The following LPCAT1 variants were observed in gnomAD, a reference collection of about 807,000 sequenced individuals.
The protein encoded by LPCAT1 is lysophosphatidylcholine acyltransferase 1, also known as 1-acylglycerol-3-phosphate O-acyltransferase.
In LPCAT1, 23 loss-of-function variants were observed where a neutral mutation model predicts 60.9. The observed-to-expected ratio is 0.38, with a 90% CI of 0.27 to 0.53. LPCAT1 has a LOEUF of 0.53. LPCAT1 is among the 20% of genes least tolerant of loss of function. The pLI, the probability that LPCAT1 is intolerant of heterozygous loss-of-function variation, is 0.82. For missense variants in LPCAT1, 622 were observed against 723.6 expected, an observed-to-expected ratio of 0.86 and a Z score of 1.61; for synonymous variants, 340 against 301.1, an observed-to-expected ratio of 1.13 and a Z score of -1.34.
intron 1 of LPCAT1, among the ~76,000 whole-genome samples, chr5:1,511,997 G>A (rs150065578): frequency 4.6e-5 from 7 of 152,328 alleles, no homozygotes; most frequent in Non-Finnish European, 1.0e-4. Flanking sequence ...CTCAGCGGGT[G>A]TCTGGAGGGT....
intron 1 of LPCAT1, among the ~76,000 whole-genome samples, chr5:1,513,956 C>G (rs138841617): frequency 1.0e-3 from 158 of 152,146 alleles, no homozygotes; most frequent in African/African-American, 3.7e-3. Context: ...TCCACAGGCT[C>G]TCACCCGTGG....
chr5:1,506,039 G>C (rs1056027369), intron 1 of LPCAT1, among the ~76,000 whole-genome samples: 4 of 152,268 alleles, frequency 2.6e-5, no homozygotes, highest in African/African-American at 9.6e-5. Flanking sequence ...CAGCAGCAAG[G>C]AGAGGGGCCT....
intron 13 of LPCAT1, among the ~76,000 whole-genome samples, chr5:1,465,867 T>C (rs572987756): frequency 6.9e-4 from 85 of 123,018 alleles, no homozygotes; most frequent in African/African-American, 1.9e-3. Context: ...CTTTCAGTAC[T>C]GAAACAAACG....
intron 13 of LPCAT1, among the ~76,000 whole-genome samples, chr5:1,464,095 GCTT>G (rs767747636): frequency 1.3e-5 from 2 of 152,244 alleles, no homozygotes; most frequent in Non-Finnish European, 2.9e-5. Context: ...CCTACAGAAA[GCTT>G]CTGGTTTTGA....
At chr5:1,489,617 G>A (rs1735498373) in intron 4 of LPCAT1, 129 bp downstream of exon 4, 6 of 774,410 alleles carry the variant, frequency 7.7e-6, no homozygotes, top group South Asian at 2.7e-5. Flanking sequence ...CTGAGTTCAC[G>A]CACTCACTAG....
rs1392842866 is a variant in LPCAT1 at position 1,477,654 on chromosome 5, A to G, written c.817-168T>C. 1.3e-5 allele frequency among the ~76,000 whole-genome samples: 2 copies of G among 152,150 alleles called. No individual in the cohort carries two copies. The highest frequency in any genetic ancestry group is 3.9e-4 in the East Asian group (2 of 5,182). Reference sequence around the variant, plus strand: ...TGTGTGTACGCACACACACACCCCCATGATGCATGAACTGCACACGTGTGC... The same window carrying G: ...TGTGTGTACGCACACACACACCCCCGTGATGCATGAACTGCACACGTGTGC... On this transcript the variant is annotated intron_variant, in intron 8 of 13. Coordinates refer to ENST00000283415, the MANE Select transcript of LPCAT1 (RefSeq NM_024830.5). This position sits in a 1 kb window ranked among gnomAD's most constrained non-coding sequence, Gnocchi z 6.0.
chr5:1,517,598 G>A (rs958641332), intron 1 of LPCAT1, among the ~76,000 whole-genome samples: 1 of 152,152 alleles, frequency 6.6e-6, no homozygotes, highest in Non-Finnish European at 1.5e-5. Context: ...CCCGGCTCCT[G>A]AAGCAGGGCT....
intron 1 of LPCAT1, among the ~76,000 whole-genome samples, chr5:1,516,388 A>G (rs745326475): frequency 1.3e-5 from 2 of 152,182 alleles, no homozygotes; most frequent in African/African-American, 2.4e-5. Flanking sequence ...TCACTGCTGC[A>G]GAAAGGTGGA....
intron 7 of LPCAT1, among the ~76,000 whole-genome samples, 155 bp from the exon 8 acceptor site, chr5:1,479,830 C>T (rs962057060): frequency 6.6e-6 from 1 of 152,122 alleles, no homozygotes; most frequent in Non-Finnish European, 1.5e-5. Context: ...CCCACCCAGC[C>T]CGAGCCCCAG....
chr5:1,518,869 T>C (rs1736588011), intron 1 of LPCAT1, among the ~76,000 whole-genome samples: 1 of 152,190 alleles, frequency 6.6e-6, no homozygotes, highest in South Asian at 2.1e-4. Flanking sequence ...CCACAGGCAG[T>C]GAAGGAGGCG....
At chr5:1,470,959 C>G in intron 11 of LPCAT1, 35 bp from the exon 12 acceptor site, 1 of 1,589,202 alleles carries the variant, frequency 6.3e-7, no homozygotes, top group Admixed American at 1.7e-5. Flanking sequence ...ACAGCTCGGC[C>G]GCCTTCGGCA....
rs1353823129 is a variant in LPCAT1 at position 1,523,489 on chromosome 5, C to T, written c.135+221G>A. 6.6e-6 allele frequency among the ~76,000 whole-genome samples: 1 copy of T among 151,446 alleles called. No homozygotes were observed. Among genetic ancestry groups the T allele is most frequent in the Admixed American group, 6.6e-5 (1 of 15,218 alleles). ...AGGAAGGCGCTGAGGGACCAGGATGCGCGTGCGGGCGGCGGGAAGCCGGCG... is the reference window on the plus strand; with the variant it reads ...AGGAAGGCGCTGAGGGACCAGGATGTGCGTGCGGGCGGCGGGAAGCCGGCG... On this transcript the variant is annotated intron_variant, in intron 1 of 13. Transcript: ENST00000283415. The surrounding 1 kb of genome is among the most constrained non-coding windows in gnomAD (Gnocchi z 7.1).
chr5:1,510,298 T>C (rs1460584213), intron 1 of LPCAT1, among the ~76,000 whole-genome samples: 6 of 152,198 alleles, frequency 3.9e-5, no homozygotes, highest in Non-Finnish European at 7.3e-5. Context: ...AAATTAAATA[T>C]AGCTTTTCTA....
Position 1,502,508 on chromosome 5 carries a change from A to T in LPCAT1, c.136-905T>A, listed in dbSNP as rs1361385205. Among the ~76,000 whole-genome samples the T allele has an allele frequency of 6.6e-6, 1 of 152,124 alleles. No individual in the cohort carries two copies. The highest frequency in any genetic ancestry group is 1.5e-5 in the Non-Finnish European group (1 of 68,016). ...TGGCGGGAGGGCAGGGGCGCAGGTC[A>T]ATATGGGGGCTCAGGAAGGCCCCCC... On this transcript the variant is annotated intron_variant, in intron 1 of 13. Transcript: ENST00000283415. This position sits in a 1 kb window ranked among gnomAD's most constrained non-coding sequence, Gnocchi z 5.5.
intron 1 of LPCAT1, among the ~76,000 whole-genome samples, chr5:1,509,100 G>C (rs1560990870): frequency 6.6e-6 from 1 of 152,272 alleles, no homozygotes; most frequent in South Asian, 2.1e-4. Context: ...GCCAGTGAAG[G>C]GGCTCCAATG....
Position 1,496,044 on chromosome 5 carries a change from C to T in LPCAT1, c.279-1130G>A, listed in dbSNP as rs912789880. On this transcript the variant is annotated intron_variant, in intron 2 of 13. Transcript: ENST00000283415. This position sits in a 1 kb window ranked among gnomAD's most constrained non-coding sequence, Gnocchi z 4.7. ...TACACAGGTGTGCACTTCTTCACCACCTGTTCAGCTGCATATTTAAAAATG... is the reference window on the plus strand; with the variant it reads ...TACACAGGTGTGCACTTCTTCACCATCTGTTCAGCTGCATATTTAAAAATG... 6.6e-6 allele frequency among the ~76,000 whole-genome samples: 1 copy of T among 152,186 alleles called. No homozygotes were observed. The highest frequency in any genetic ancestry group is 2.4e-5 in the African/African-American group (1 of 41,438).
chr5:1,474,920 C>T (rs112391138), intron 9 of LPCAT1, among the ~76,000 whole-genome samples: 87 of 152,314 alleles, frequency 5.7e-4, no homozygotes, highest in Middle Eastern at 6.8e-3. Flanking sequence ...ACTGCCATCA[C>T]GTGAGAATCG....
intron 3 of LPCAT1, among the ~76,000 whole-genome samples, chr5:1,493,097 C>T (rs879611085): frequency 1.3e-5 from 2 of 152,218 alleles, no homozygotes; most frequent in African/African-American, 4.8e-5. Flanking sequence ...GGCCATCACT[C>T]GGATGGTGCC....
chr5:1,499,799 G>A (rs893757415), intron 2 of LPCAT1, among the ~76,000 whole-genome samples: 2 of 152,214 alleles, frequency 1.3e-5, no homozygotes, highest in South Asian at 2.1e-4. Flanking sequence ...CTAAGTGGCC[G>A]TCTTCCCCCT....
Sources: allele counts gnomAD v4.1 joint callset (sites outside exome capture counted in the v4.1 genomes callset), GRCh38; gene constraint gnomAD v4.1.1; non-coding constraint Gnocchi (gnomAD v3.1); transcripts MANE v1.5; gene names NCBI Gene and HGNC (gene_info 2026-07-23, HGNC 2026-07-21).